The following CCDC7 variants were observed in gnomAD, a reference collection of about 807,000 sequenced individuals.
The protein encoded by CCDC7 is coiled-coil domain-containing protein 7.
Under a neutral mutation model 196.9 loss-of-function variants are expected in CCDC7, and 183 were observed. The ratio of observed to expected loss-of-function variants is 0.93; its 90% CI spans 0.82 to 1.05. The LOEUF is 1.05. CCDC7 is among the 50% of genes least tolerant of loss of function. The probability of loss-of-function intolerance (pLI) is 0.00; values close to 1 mark genes in which losing one functional copy is unlikely to be tolerated. For missense variants in CCDC7, 1,540 were observed against 1,482.2 expected (o/e 1.04, Z -0.64); for synonymous variants, 525 against 484.6 (o/e 1.08, Z -1.10).
At chr10:32,479,703 G>C (rs1044455636) in intron 8 of CCDC7, among the ~76,000 whole-genome samples, 1 of 152,060 alleles carries the variant, frequency 6.6e-6, no homozygotes, top group Non-Finnish European at 1.5e-5. Context: ...TGGTATTAGG[G>C]TAATACTAAC....
chr10:32,815,502 CAGA>C (rs1040004935), intron 31 of CCDC7, among the ~76,000 whole-genome samples: 24 of 152,066 alleles, frequency 1.6e-4, no homozygotes, highest in African/African-American at 5.8e-4. Flanking sequence ...TTTGAAATGT[CAGA>C]AGGAGTAAGC....
At chr10:32,811,596 G>A (rs1193787134) in intron 30 of CCDC7, among the ~76,000 whole-genome samples, 1 of 152,038 alleles carries the variant, frequency 6.6e-6, no homozygotes, top group East Asian at 1.9e-4. Context: ...GTCTAGAAAT[G>A]TTCCCAACAC....
At chr10:32,476,817 A>T (rs1218277599) in intron 8 of CCDC7, among the ~76,000 whole-genome samples, 1 of 152,166 alleles carries the variant, frequency 6.6e-6, no homozygotes, top group Non-Finnish European at 1.5e-5. Flanking sequence ...CATGATGTTG[A>T]GCATGTTTTC....
chr10:32,538,489 C>T (rs1379386254), intron 11 of CCDC7, among the ~76,000 whole-genome samples: 1 of 152,060 alleles, frequency 6.6e-6, no homozygotes, highest in Non-Finnish European at 1.5e-5. Flanking sequence ...TTCCCTTGCC[C>T]GATTGCTCTT....
chr10:32,463,107 A>G, intron 5 of CCDC7, 58 bp downstream of exon 6: 1 of 1,594,392 alleles, frequency 6.3e-7, no homozygotes, highest in Non-Finnish European at 8.6e-7. Context: ...TTGAAAAGCA[A>G]TTTGGATTAT....
intron 23 of CCDC7, among the ~76,000 whole-genome samples, chr10:32,691,137 A>C (rs916527788): frequency 1.3e-5 from 2 of 152,090 alleles, no homozygotes; most frequent in East Asian, 1.9e-4. Flanking sequence ...CCTAACTCTT[A>C]ATTTTCTTTA....
chr10:32,650,424 T>A (rs2068537475), intron 20 of CCDC7, among the ~76,000 whole-genome samples: 1 of 152,180 alleles, frequency 6.6e-6, no homozygotes, highest in African/African-American at 2.4e-5. Flanking sequence ...GAGATGTAAC[T>A]CTCTCACCAG....
At chr10:32,642,267 T>G (rs1394358981) in intron 20 of CCDC7, among the ~76,000 whole-genome samples, 1 of 152,220 alleles carries the variant, frequency 6.6e-6, no homozygotes, top group Non-Finnish European at 1.5e-5. Context: ...ACAGAGGCAG[T>G]GAGACCTCCT....
intron 29 of CCDC7, among the ~76,000 whole-genome samples, chr10:32,802,411 T>C (rs1328961862): frequency 6.6e-6 from 1 of 152,136 alleles, no homozygotes; most frequent in Non-Finnish European, 1.5e-5. Context: ...CTATTAGAAG[T>C]AGAATCCTTA....
Position 32,523,767 on chromosome 10 carries a change from C to A in CCDC7, c.993+5262C>A, listed in dbSNP as rs117862748. ...CTTCTTACAGTTTTTGTGTTGAAAT[C>A]TATTTTGTCTGGTATAAGTAGAGTT... On this transcript the variant is annotated intron_variant, in intron 11 of 41. Transcript: ENST00000639629. Among the ~76,000 whole-genome samples, 1,203 of 151,972 alleles carry A rather than the reference C, an allele frequency of 7.9e-3. 7 individuals carry two copies. The highest frequency in any genetic ancestry group is 0.02 in the Middle Eastern group (6 of 294).
intron 18 of CCDC7, among the ~76,000 whole-genome samples, chr10:32,589,439 A>C (rs371927943): frequency 3.3e-5 from 5 of 152,036 alleles, no homozygotes; most frequent in East Asian, 1.9e-4. Flanking sequence ...TGGCTATTTC[A>C]TTATTTTGAA....
intron 18 of CCDC7, among the ~76,000 whole-genome samples, chr10:32,605,746 C>T (rs2061499651): frequency 1.3e-5 from 2 of 151,974 alleles, no homozygotes; most frequent in Admixed American, 1.3e-4. Context: ...CAACCTAAGT[C>T]AGATACAGGA....
chr10:32,825,532 C>G (rs2090984301), intron 32 of CCDC7, among the ~76,000 whole-genome samples: 1 of 152,104 alleles, frequency 6.6e-6, no homozygotes, highest in Non-Finnish European at 1.5e-5. Context: ...CTGTATCTAT[C>G]TATATATCTA....
intron 28 of CCDC7, among the ~76,000 whole-genome samples, chr10:32,775,010 T>C (rs988871596): frequency 6.6e-6 from 1 of 152,178 alleles, no homozygotes; most frequent in Non-Finnish European, 1.5e-5. Flanking sequence ...CTCCCTCTGT[T>C]TTTAGCCATT....
chr10:32,792,064 A>G (rs1259299654), intron 29 of CCDC7, among the ~76,000 whole-genome samples: 1 of 152,162 alleles, frequency 6.6e-6, no homozygotes, highest in Admixed American at 6.6e-5. Context: ...CAAAGTGCTA[A>G]AAGAAAAAAA....
rs76534752 is a variant in CCDC7 at position 32,799,782 on chromosome 10, A to G, written c.3014-5233A>G. ...TGCTACTTCTCACTCTCTGGATCCA[A>G]TCAGCATAATGTCATCAATATAATG... On this transcript the variant is annotated intron_variant, in intron 29 of 41. Coordinates refer to ENST00000639629, the Ensembl canonical transcript of CCDC7. 2.2e-3 allele frequency among the ~76,000 whole-genome samples: 333 copies of G among 152,334 alleles called. 2 individuals are homozygous for G. Among genetic ancestry groups the G allele is most frequent in the African/African-American group, 7.5e-3 (311 of 41,578 alleles).
At position 32,695,266 on chromosome 10, in the gene CCDC7, A is replaced by G. The variant is rs559222419; in HGVS notation, c.2458+274A>G. ...GTCAAAGGGTGTTTGCTTTCAGCCA[A>G]CTGTAGGAGATTATGAGTCCAAGTG... On this transcript the variant is annotated intron_variant, in intron 24 of 41. Coordinates refer to ENST00000639629, the Ensembl canonical transcript of CCDC7. Among the ~76,000 whole-genome samples the G allele has an allele frequency of 2.6e-5, 4 of 152,348 alleles. No homozygotes were observed. The South Asian group carries it at 8.3e-4, about 32-fold the overall frequency.
At chr10:32,640,866 T>TTC (rs1331247843) in intron 20 of CCDC7, among the ~76,000 whole-genome samples, 1 of 63,316 alleles carries the variant, frequency 1.6e-5, no homozygotes, top group Non-Finnish European at 5.3e-5. Context: ...TAGATTTTCT[T>TTC]TTTTTTTTTC....
intron 21 of CCDC7, among the ~76,000 whole-genome samples, chr10:32,667,959 C>G (rs1029609411): frequency 7.2e-5 from 11 of 151,972 alleles, no homozygotes; most frequent in Non-Finnish European, 1.6e-4. Context: ...TTACCTTGGG[C>G]AGTATGGCCA....
Sources: allele counts gnomAD v4.1 joint callset (sites outside exome capture counted in the v4.1 genomes callset), GRCh38; gene constraint gnomAD v4.1.1; transcripts MANE v1.5; gene names NCBI Gene and HGNC (gene_info 2026-07-23, HGNC 2026-07-21).